INTS6: variants seen among roughly 807,000 people sequenced by gnomAD.
INTS6 encodes integrator complex subunit 6.
Under a neutral mutation model 104.9 loss-of-function variants are expected in INTS6, and 16 were observed. That is an observed-to-expected ratio of 0.15 (90% CI 0.10 to 0.23). The LOEUF (loss-of-function observed/expected upper bound fraction) is 0.23. Among genes scored for constraint, INTS6 ranks in the 10% least tolerant of loss-of-function variants. INTS6 has a pLI of 1.00. For missense variants in INTS6, 584 were observed against 1,062.8 expected, an observed-to-expected ratio of 0.55 and a Z score of 6.26; for synonymous variants, 324 against 358.7, an observed-to-expected ratio of 0.90 and a Z score of 1.09.
chr13:51,452,996 G>C lies in INTS6; in HGVS notation c.-471C>G, dbSNP rs929855688. On this transcript the variant is annotated 5_prime_UTR_variant, in exon 1 of 18. Transcript: ENST00000311234. This position sits in a 1 kb window ranked among gnomAD's most constrained non-coding sequence, Gnocchi z 4.2. ...GTTTCAGGGACTCCCTCCGCACCCC[G>C]GCGGTGTCACCACTTTCTCAGCCCC... 6.0e-6 allele frequency: 6 copies of C among 1,004,056 alleles called. No individual in the cohort carries two copies. The highest frequency in any genetic ancestry group is 7.1e-6 in the Non-Finnish European group (6 of 841,194). 62.2% of individuals were successfully genotyped at this position (1,004,056 alleles called of 1,614,324 possible). A position where few individuals can be genotyped will look rare whatever the true frequency, so the allele number is the denominator to read the frequency against.
At chr13:51,382,224 TGA>T in intron 9 of INTS6, 101 bp from the exon 10 acceptor site, 1 of 570,224 alleles carries the variant, frequency 1.8e-6, no homozygotes, top group Non-Finnish European at 2.9e-6. Flanking sequence ...TTGTTATTTT[TGA>T]GAGAGTAACA....
chr13:51,452,265 C>T lies in INTS6; in HGVS notation c.111+150G>A. 1.2e-6 allele frequency: 1 copy of T among 848,658 alleles called. No individual in the cohort carries two copies. The highest frequency in any genetic ancestry group is 1.5e-6 in the Non-Finnish European group (1 of 659,980). 52.6% of individuals were successfully genotyped at this position (848,658 alleles called of 1,614,324 possible). A position where few individuals can be genotyped will look rare whatever the true frequency, so the allele number is the denominator to read the frequency against. On this transcript the variant is annotated intron_variant, in intron 1 of 17. Coordinates refer to ENST00000311234, the MANE Select transcript of INTS6 (RefSeq NM_012141.3). This position sits in a 1 kb window ranked among gnomAD's most constrained non-coding sequence, Gnocchi z 4.2. ...CCCGGCCGAACCCGGCTCGCAGCGC[C>T]CGCCCGCCCGCGCGGTGGGGGAGGG...
At chr13:51,336,310 A>C in the INTS6 span, among the ~76,000 whole-genome samples, 1 of 152,144 alleles carries the variant, frequency 6.6e-6, no homozygotes, top group African/African-American at 2.4e-5. Flanking sequence ...CAACATGGCG[A>C]AACCCCATCT....
chr13:51,386,390 T>C (rs776620789), intron 7 of INTS6, among the ~76,000 whole-genome samples: 13 of 152,048 alleles, frequency 8.5e-5, no homozygotes, highest in Non-Finnish European at 1.2e-4. Flanking sequence ...GAAAAGAAAG[T>C]AAAATGACCA....
At chr13:51,397,987 C>T (rs1221568664) in intron 4 of INTS6, among the ~76,000 whole-genome samples, 1 of 151,954 alleles carries the variant, frequency 6.6e-6, no homozygotes, top group African/African-American at 2.4e-5. Flanking sequence ...ATATTCTAAG[C>T]ATTTTACACA....
In INTS6 at chr13:51,378,262, A is replaced by G. The variant is rs1955972722; in HGVS notation, c.1579T>C (p.Phe527Leu). Residue 527 changes from phenylalanine (F) to leucine (L), a missense_variant, in exon 12 of 18, where the codon TTC (phenylalanine) becomes CTC (leucine). Around this residue, in one of 5 missense-constraint regions of INTS6, gnomAD observed 296 missense variants for 437.0 expected, o/e 0.68. Transcript: ENST00000311234. ...LDLNMKEYTG[F>L]QVALLNKDLK... ...ACCTTATTCAGCAAAGCAACTTGGA[A>G]CCCAGTGTATTCCTTCATATTAAGG... is the stretch of plus-strand genomic sequence containing the variant. 1 of 1,612,956 alleles carries G rather than the reference A, an allele frequency of 6.2e-7. No individual in the cohort carries two copies. Among genetic ancestry groups the G allele is most frequent in the Non-Finnish European group, 8.5e-7 (1 of 1,179,184 alleles).
At chr13:51,334,609 G>A in the INTS6 span, among the ~76,000 whole-genome samples, 22 of 152,046 alleles carry the variant, frequency 1.4e-4, no homozygotes, top group African/African-American at 5.1e-4. Context: ...AATTTATTTC[G>A]AGAATTAATA....
At chr13:51,349,219 T>C (rs541762930), downstream of INTS6, among the ~76,000 whole-genome samples, 2 of 152,216 alleles carry the variant, frequency 1.3e-5, no homozygotes, top group Non-Finnish European at 2.9e-5. Flanking sequence ...GGGCTTCCAG[T>C]AGGCAAAGGC....
At position 51,363,149 on chromosome 13, in the gene INTS6, AAGAG is replaced by A. The variant is rs1265470332; in HGVS notation, c.*2599_*2602del. The A allele has an allele frequency of 1.3e-5, 2 of 151,940 alleles. No individual in the cohort carries two copies. Among genetic ancestry groups the A allele is most frequent in the African/African-American group, 2.4e-5 (1 of 41,412 alleles). 9.4% of individuals were successfully genotyped at this position (151,940 alleles called of 1,614,324 possible). On this transcript the variant is annotated 3_prime_UTR_variant, in exon 18 of 18. Transcript: ENST00000311234. ...ATAGCCAATAAAGGTTGATAGGTAA[AAGAG>A]AGATTCTGATTTTGGAATTCAAGTG...
chr13:51,393,097 A>AG, intron 5 of INTS6, among the ~76,000 whole-genome samples: 1 of 137,778 alleles, frequency 7.3e-6, no homozygotes, highest in African/African-American at 2.8e-5. Context: ...TTTTTTTGTG[A>AG]GACAGAGTCT....
intron 3 of INTS6, chr13:51,437,152 A>G (rs1399508524): frequency 5.3e-5 from 8 of 152,226 alleles, no homozygotes; most frequent in Non-Finnish European, 8.8e-5. Flanking sequence ...ACGTATAAAT[A>G]AAAACCAAGA....
At chr13:51,450,609 T>C in intron 3 of INTS6, 1 of 986,122 alleles carries the variant, frequency 1.0e-6, no homozygotes, top group Non-Finnish European at 1.2e-6. Flanking sequence ...TAAACCCTGA[T>C]GCAACAAACA....
At position 51,365,863 on chromosome 13, in the gene INTS6, T is replaced by C. The variant is rs575854307; in HGVS notation, c.2571-18A>G. On this transcript the variant is annotated intron_variant, in intron 17 of 17. Coordinates refer to ENST00000311234, the MANE Select transcript of INTS6 (RefSeq NM_012141.3). ...TTTTAAACCTGTATGAAAAAATAAA[T>C]AGTACTCTCAATTACTTTTTAATGA... 2.1e-6 allele frequency: 3 copies of C among 1,438,092 alleles called. No homozygotes were observed. Among genetic ancestry groups the C allele is most frequent in the South Asian group, 2.4e-5 (2 of 82,972 alleles). 89.1% of individuals were successfully genotyped at this position (1,438,092 alleles called of 1,614,324 possible).
At chr13:51,414,351 A>G (rs1175552076) in intron 4 of INTS6, among the ~76,000 whole-genome samples, 1 of 152,226 alleles carries the variant, frequency 6.6e-6, no homozygotes, top group South Asian at 2.1e-4. Flanking sequence ...AGCTGAACCA[A>G]TATCCTAAAA....
chr13:51,409,168 G>A (rs78415216), intron 4 of INTS6, among the ~76,000 whole-genome samples: 1,714 of 151,672 alleles, frequency 0.011, 25 homozygotes, highest in East Asian at 0.07. Flanking sequence ...TTTGAAAAAT[G>A]TAATTTCAGC....
At chr13:51,419,299 G>A (rs888650520) in intron 4 of INTS6, among the ~76,000 whole-genome samples, 2 of 152,088 alleles carry the variant, frequency 1.3e-5, no homozygotes, top group African/African-American at 4.8e-5. Flanking sequence ...CAATCCATAA[G>A]GTTCCCATCT....
chr13:51,371,346 C>T (rs562329297), intron 15 of INTS6, among the ~76,000 whole-genome samples: 4 of 152,272 alleles, frequency 2.6e-5, no homozygotes, highest in East Asian at 1.9e-4. Context: ...ACAGTACTCC[C>T]GCTACTGCTC....
downstream of INTS6, among the ~76,000 whole-genome samples, chr13:51,358,425 C>A (rs1254868334): frequency 6.6e-6 from 1 of 152,128 alleles, no homozygotes; most frequent in Non-Finnish European, 1.5e-5. Context: ...CAGCCATACA[C>A]AAAGAATAAC....
intron 3 of INTS6, among the ~76,000 whole-genome samples, chr13:51,434,825 T>G (rs1459047567): frequency 6.6e-6 from 1 of 152,058 alleles, no homozygotes; most frequent in Admixed American, 6.6e-5. Context: ...AAAAAAGTTT[T>G]AGTTGTCTGC....
Sources: gnomAD v4.1 joint callset for allele counts (sites outside exome capture counted in the v4.1 genomes callset) on GRCh38, gnomAD v4.1.1 for gene constraint, gnomAD v4.1.1 regional missense constraint, Gnocchi (gnomAD v3.1) non-coding constraint, MANE v1.5 for transcripts, NCBI Gene and HGNC (gene_info 2026-07-23, HGNC 2026-07-21) for gene names.